The following SNX3 variants were observed in gnomAD, a reference collection of about 807,000 sequenced individuals.
SNX3 encodes the protein sorting nexin-3.
Under a neutral mutation model 17.7 loss-of-function variants are expected in SNX3, and 5 were observed. The ratio of observed to expected loss-of-function variants is 0.28; its 90% CI spans 0.15 to 0.59. The LOEUF (loss-of-function observed/expected upper bound fraction) is 0.59. SNX3 is among the 20% of genes least tolerant of loss of function. The pLI is 0.88. For missense variants in SNX3, 132 were observed against 206.8 expected, an observed-to-expected ratio of 0.64 and a Z score of 2.22; for synonymous variants, 91 against 76.5, an observed-to-expected ratio of 1.19 and a Z score of -0.99.
chr6:108,243,703 G>A (rs1432627609), intron 1 of SNX3, among the ~76,000 whole-genome samples: 1 of 152,092 alleles, frequency 6.6e-6, no homozygotes, highest in Non-Finnish European at 1.5e-5. Context: ...AGCCGAGGGC[G>A]GGGTGGATCA....
At chr6:108,223,169 C>T (rs1774859575) in intron 1 of SNX3, 124 bp from the exon 2 acceptor site, 2 of 609,972 alleles carry the variant, frequency 3.3e-6, no homozygotes, top group South Asian at 4.1e-5. Flanking sequence ...GACAGAATCT[C>T]CCTTTGTTGC....
chr6:108,260,783 T>A lies in SNX3; in HGVS notation c.139A>T (p.Thr47Ser). The A allele has an allele frequency of 1.2e-6, 2 of 1,613,800 alleles. No individual in the cohort carries two copies. The highest frequency in any genetic ancestry group is 1.7e-6 in the Non-Finnish European group (2 of 1,179,814). The change falls in exon 1 of 4, where the codon ACC becomes TCC. Residue 47 changes from threonine (T) to serine (S), a missense_variant. Physicochemically the swap from Thr to Ser is moderately conservative, Grantham distance 58. Around this residue, in one of 2 missense-constraint regions of SNX3, gnomAD observed 78 missense variants for 88.8 expected, o/e 0.88. Transcript: ENST00000230085. ...QTVGVGRGRFTTYEIRVKTNL... is the reference protein window; with the variant it reads ...QTVGVGRGRFSTYEIRVKTNL... ...ACCTTGACCCTGATTTCGTAAGTGG[T>A]GAAGCGGCCCCGGCCGACCCCCACC...
intron 2 of SNX3, among the ~76,000 whole-genome samples, chr6:108,216,245 A>G (rs1307125941): frequency 6.6e-6 from 1 of 152,074 alleles, no homozygotes; most frequent in African/African-American, 2.4e-5. Flanking sequence ...ACGCCTGGCT[A>G]ATTTTTCTAT....
chr6:108,213,447 T>A (rs1582464328), intron 3 of SNX3, among the ~76,000 whole-genome samples: 1 of 150,768 alleles, frequency 6.6e-6, no homozygotes. Flanking sequence ...AGGTCAGGAG[T>A]TTGAGACCAG....
At chr6:108,233,681 G>A (rs1582487436) in intron 1 of SNX3, among the ~76,000 whole-genome samples, 1 of 152,114 alleles carries the variant, frequency 6.6e-6, no homozygotes, top group African/African-American at 2.4e-5. Flanking sequence ...CCCGGGAGGC[G>A]GAGGTTGCAG....
intron 1 of SNX3, among the ~76,000 whole-genome samples, chr6:108,245,653 TGGC>T (rs1436049640): frequency 6.6e-6 from 1 of 152,240 alleles, no homozygotes; most frequent in African/African-American, 2.4e-5. Flanking sequence ...CCATTCTAAC[TGGC>T]GTGAGATGGT....
At chr6:108,214,683 C>A in intron 2 of SNX3, 61 bp from the exon 3 acceptor site, 3 of 1,554,998 alleles carry the variant, frequency 1.9e-6, no homozygotes, top group South Asian at 1.2e-5. Context: ...ATTTATAGAG[C>A]ACAACATGAA....
chr6:108,248,089 T>C (rs889361722), intron 1 of SNX3, among the ~76,000 whole-genome samples: 2 of 152,204 alleles, frequency 1.3e-5, no homozygotes, highest in Admixed American at 6.6e-5. Flanking sequence ...GTCATTGATG[T>C]CAGATGCTGG....
chr6:108,243,315 A>C (rs1775578121), intron 1 of SNX3, among the ~76,000 whole-genome samples: 1 of 152,178 alleles, frequency 6.6e-6, no homozygotes. Context: ...TTAATTCAGC[A>C]ATAAAAAACT....
At chr6:108,236,680 G>A (rs997831942) in intron 1 of SNX3, among the ~76,000 whole-genome samples, 7 of 151,956 alleles carry the variant, frequency 4.6e-5, no homozygotes, top group African/African-American at 1.5e-4. Context: ...GAGCCACCGT[G>A]CCCGGCTTCC....
At chr6:108,246,534 T>G (rs1212041424) in intron 1 of SNX3, among the ~76,000 whole-genome samples, 1 of 151,604 alleles carries the variant, frequency 6.6e-6, no homozygotes, top group Admixed American at 6.6e-5. Flanking sequence ...TTCACCATGT[T>G]GGACAGGCTG....
chr6:108,260,132 T>C (rs1468005471), intron 1 of SNX3, among the ~76,000 whole-genome samples: 3 of 152,372 alleles, frequency 2.0e-5, no homozygotes, highest in African/African-American at 7.2e-5. Context: ...TTCTGGATTA[T>C]GAGGTAGGTG....
At chr6:108,244,958 C>G (rs1775638446) in intron 1 of SNX3, among the ~76,000 whole-genome samples, 1 of 152,014 alleles carries the variant, frequency 6.6e-6, no homozygotes, top group Non-Finnish European at 1.5e-5. Flanking sequence ...AAGAAATTTT[C>G]TTTTTAGTTC....
At chr6:108,247,558 A>C (rs146059116) in intron 1 of SNX3, among the ~76,000 whole-genome samples, 87 of 151,750 alleles carry the variant, frequency 5.7e-4, no homozygotes, top group Middle Eastern at 3.4e-3. Context: ...AACAAACAAA[A>C]AAAAACAACG....
chr6:108,246,794 A>C (rs1775706282), intron 1 of SNX3, among the ~76,000 whole-genome samples: 1 of 152,038 alleles, frequency 6.6e-6, no homozygotes, highest in African/African-American at 2.4e-5. Flanking sequence ...TGCAGATTCT[A>C]ATTCCTGGCC....
rs189614348 is a variant in SNX3, at chr6:108,222,252, C to A, written c.258+698G>T. On this transcript the variant is annotated intron_variant, in intron 2 of 3. Transcript: ENST00000230085. ...TACCTACTTTCTAGTCACAAAATAA[C>A]TTTTCATCATTCTGAGCACACCACG... is the stretch of plus-strand genomic sequence containing the variant. The A allele has an allele frequency of 1.2e-5, 15 of 1,304,154 alleles. No homozygotes were observed. In the Admixed American group the frequency reaches 3.4e-4, roughly 30 times the overall value. The allele number at this position is 1,304,154 out of a possible 1,614,324, so 80.8% of individuals were successfully genotyped here.
chr6:108,258,517 C>A (rs1255730702), intron 1 of SNX3, among the ~76,000 whole-genome samples: 1 of 150,518 alleles, frequency 6.6e-6, no homozygotes, highest in Non-Finnish European at 1.5e-5. Context: ...ACCCTTTTTT[C>A]TCTCTCTCCT....
chr6:108,258,758 C>T (rs1480859418), intron 1 of SNX3, among the ~76,000 whole-genome samples: 1 of 151,988 alleles, frequency 6.6e-6, no homozygotes, highest in African/African-American at 2.4e-5. Context: ...ATCCACCTGC[C>T]TCAGCCTCCC....
intron 1 of SNX3, among the ~76,000 whole-genome samples, chr6:108,236,814 C>G (rs981446450): frequency 6.6e-6 from 1 of 152,132 alleles, no homozygotes; most frequent in Non-Finnish European, 1.5e-5. Context: ...ATGAGTGATA[C>G]ATATATTAAT....
Sources: allele counts gnomAD v4.1 joint callset (sites outside exome capture counted in the v4.1 genomes callset), GRCh38; gene constraint gnomAD v4.1.1; regional missense constraint gnomAD v4.1.1; transcripts MANE v1.5; gene names NCBI Gene and HGNC (gene_info 2026-07-23, HGNC 2026-07-21).